The following MAGI2 variants were observed in gnomAD, a reference collection of about 807,000 sequenced individuals.
The protein encoded by MAGI2 is membrane-associated guanylate kinase, WW and PDZ domain-containing protein 2.
A neutral mutation model predicts 133.3 loss-of-function variants in MAGI2; 35 were observed. The observed-to-expected ratio is 0.26, with a 90% CI of 0.20 to 0.35. The LOEUF (loss-of-function observed/expected upper bound fraction) is 0.35. Among genes scored for constraint, MAGI2 ranks in the 10% least tolerant of loss-of-function variants. The pLI, the probability that MAGI2 is intolerant of heterozygous loss-of-function variation, is 1.00. For synonymous variants in MAGI2, 729 were observed against 710.6 expected, an observed-to-expected ratio of 1.03 and a Z score of -0.41; for missense variants, 1,636 against 1,863.4, an observed-to-expected ratio of 0.88 and a Z score of 2.25.
chr7:78,743,416 C>G (rs893608925), intron 2 of MAGI2, among the ~76,000 whole-genome samples: 2 of 152,108 alleles, frequency 1.3e-5, no homozygotes, highest in African/African-American at 2.4e-5. Flanking sequence ...AAAAAAAGAA[C>G]CTTCCTTGTT....
intron 3 of MAGI2, among the ~76,000 whole-genome samples, chr7:78,574,387 C>A (rs556639579): frequency 6.6e-6 from 1 of 152,190 alleles, no homozygotes; most frequent in Non-Finnish European, 1.5e-5. Flanking sequence ...TGATTCCTTG[C>A]CCATTTCTTT....
In MAGI2 at chr7:79,208,668, C is replaced by T. The variant is rs116248191; in HGVS notation, c.302-201462G>A. Among the ~76,000 whole-genome samples the T allele has an allele frequency of 6.3e-3, 958 of 152,056 alleles. 26 individuals carry two copies. Among genetic ancestry groups the T allele is most frequent in the African/African-American group, 0.022 (904 of 41,386 alleles). ...TAGAATTACCATATGATCCAGCAATCCAACCACTGGGTACATATCAAAAGG... is the reference window on the plus strand; with the variant it reads ...TAGAATTACCATATGATCCAGCAATTCAACCACTGGGTACATATCAAAAGG... On this transcript the variant is annotated intron_variant, in intron 1 of 21. Transcript: ENST00000354212.
At chr7:79,214,773 T>G (rs28797013) in intron 1 of MAGI2, among the ~76,000 whole-genome samples, 3 of 141,078 alleles carry the variant, frequency 2.1e-5, no homozygotes, top group South Asian at 2.1e-4. Flanking sequence ...TATAAATAGA[T>G]AATATAAAAA....
intron 1 of MAGI2, among the ~76,000 whole-genome samples, chr7:79,222,651 G>C (rs932219306): frequency 1.3e-5 from 2 of 151,808 alleles, no homozygotes; most frequent in Non-Finnish European, 2.9e-5. Context: ...GGCCCATTCT[G>C]GTCTTGGTAA....
At chr7:78,309,455 T>C (rs924237011) in intron 9 of MAGI2, among the ~76,000 whole-genome samples, 26 of 152,130 alleles carry the variant, frequency 1.7e-4, no homozygotes, top group Admixed American at 9.8e-4. Flanking sequence ...TCAAATACCG[T>C]ATGTTCTCAC....
chr7:78,413,517 G>T (rs1452936557), intron 6 of MAGI2, among the ~76,000 whole-genome samples: 3 of 151,980 alleles, frequency 2.0e-5, no homozygotes. Flanking sequence ...CCCATTAGTG[G>T]AAATGCCTAA....
At chr7:79,163,587 G>A (rs1263518565) in intron 1 of MAGI2, among the ~76,000 whole-genome samples, 1 of 151,996 alleles carries the variant, frequency 6.6e-6, no homozygotes, top group Admixed American at 6.6e-5. Flanking sequence ...TAAATTTGTT[G>A]AATTCTGATT....
At chr7:79,181,512 C>G (rs1053326052) in intron 1 of MAGI2, among the ~76,000 whole-genome samples, 5 of 151,908 alleles carry the variant, frequency 3.3e-5, no homozygotes, top group Non-Finnish European at 7.4e-5. Context: ...AGCAGAGAAA[C>G]CCTGGGCCCG....
intron 2 of MAGI2, among the ~76,000 whole-genome samples, chr7:78,983,422 G>C (rs1459593319): frequency 1.3e-5 from 2 of 151,736 alleles, no homozygotes; most frequent in African/African-American, 4.8e-5. Flanking sequence ...AATCCTTTCG[G>C]ATAAAGGAGA....
chr7:79,117,199 T>C (rs1304430611), intron 1 of MAGI2, among the ~76,000 whole-genome samples: 6 of 152,184 alleles, frequency 3.9e-5, no homozygotes, highest in Admixed American at 2.0e-4. Flanking sequence ...CTTCAACTAA[T>C]AGATAGTTGT....
chr7:78,992,844 T>A (rs991198365), intron 2 of MAGI2, among the ~76,000 whole-genome samples: 1 of 152,032 alleles, frequency 6.6e-6, no homozygotes, highest in Non-Finnish European at 1.5e-5. Context: ...GCCTTAGTGA[T>A]GAAAGCATTT....
intron 6 of MAGI2, among the ~76,000 whole-genome samples, chr7:78,380,946 T>C (rs1794867047): frequency 6.6e-6 from 1 of 152,184 alleles, no homozygotes; most frequent in Non-Finnish European, 1.5e-5. Context: ...AAATGGGCAA[T>C]TTCTTAGGAA....
At chr7:78,520,854 T>C (rs1246612199) in intron 4 of MAGI2, among the ~76,000 whole-genome samples, 1 of 152,154 alleles carries the variant, frequency 6.6e-6, no homozygotes, top group South Asian at 2.1e-4. Context: ...ACATTGTTAA[T>C]GTATAAAGAT....
chr7:78,209,085 G>A (rs1004899583), intron 10 of MAGI2, among the ~76,000 whole-genome samples: 27 of 135,308 alleles, frequency 2.0e-4, no homozygotes, highest in South Asian at 1.1e-3. Flanking sequence ...AGCCGGGCGT[G>A]GTGGCGGGCG....
intron 1 of MAGI2, among the ~76,000 whole-genome samples, chr7:79,336,532 C>A (rs1840451446): frequency 6.6e-6 from 1 of 152,032 alleles, no homozygotes; most frequent in African/African-American, 2.4e-5. Context: ...TACAGTATTT[C>A]ATTTATAATG....
chr7:78,998,926 A>C (rs1312867753), intron 2 of MAGI2, among the ~76,000 whole-genome samples: 1 of 152,124 alleles, frequency 6.6e-6, no homozygotes, highest in African/African-American at 2.4e-5. Flanking sequence ...CAGCAAGGCT[A>C]TGATTTTGGA....
intron 9 of MAGI2, among the ~76,000 whole-genome samples, chr7:78,272,355 T>C (rs1226431039): frequency 1.3e-5 from 2 of 152,230 alleles, no homozygotes; most frequent in Non-Finnish European, 2.9e-5. Flanking sequence ...GTGTTTTACT[T>C]CCAATTATGT....
At chr7:79,353,500 T>G (rs1187912030) in intron 1 of MAGI2, 3 of 455,672 alleles carry the variant, frequency 6.6e-6, no homozygotes, top group African/African-American at 2.0e-5. Flanking sequence ...TGCCCTTTGC[T>G]GCTGCTGCTT....
At chr7:78,935,998 C>A (rs544079456) in intron 2 of MAGI2, among the ~76,000 whole-genome samples, 1 of 152,126 alleles carries the variant, frequency 6.6e-6, no homozygotes, top group African/African-American at 2.4e-5. Flanking sequence ...TATACTGATT[C>A]CCCAAATCAA....
Sources: gnomAD v4.1 joint callset for allele counts (sites outside exome capture counted in the v4.1 genomes callset) on GRCh38, gnomAD v4.1.1 for gene constraint, MANE v1.5 for transcripts, NCBI Gene and HGNC (gene_info 2026-07-23, HGNC 2026-07-21) for gene names.